MAP4K5: variants seen among roughly 807,000 people sequenced by gnomAD.
The protein encoded by MAP4K5 is mitogen-activated protein kinase kinase kinase kinase 5.
Under a neutral mutation model 135.6 loss-of-function variants are expected in MAP4K5, and 82 were observed. That is an observed-to-expected ratio of 0.60 (90% CI 0.51 to 0.73). The LOEUF is 0.73. Ranked by LOEUF, MAP4K5 falls within the 30% of genes least tolerant of loss-of-function variation. The pLI, the probability that MAP4K5 is intolerant of heterozygous loss-of-function variation, is 0.00. For missense variants in MAP4K5, 907 were observed against 1,010.9 expected, an observed-to-expected ratio of 0.90 and a Z score of 1.39; for synonymous variants, 347 against 335.0, an observed-to-expected ratio of 1.04 and a Z score of -0.39.
At chr14:50,481,144 A>G (rs541821863) in intron 6 of MAP4K5, among the ~76,000 whole-genome samples, 7 of 151,772 alleles carry the variant, frequency 4.6e-5, no homozygotes, top group African/African-American at 1.7e-4. Flanking sequence ...ATTAAAATAC[A>G]AAGAAAATGA....
intron 6 of MAP4K5, among the ~76,000 whole-genome samples, chr14:50,476,866 C>T (rs1269520109): frequency 6.6e-6 from 1 of 152,196 alleles, no homozygotes; most frequent in African/African-American, 2.4e-5. Flanking sequence ...TTATGTGGTG[C>T]TCCTTTATAA....
intron 14 of MAP4K5, chr14:50,456,175 T>C (rs767601363): frequency 5.4e-5 from 16 of 294,984 alleles, no homozygotes; most frequent in Non-Finnish European, 8.9e-5. Flanking sequence ...AATTCAGCCA[T>C]GTAAAAATAC....
intron 32 of MAP4K5, among the ~76,000 whole-genome samples, chr14:50,422,535 C>T (rs986817796): frequency 6.6e-6 from 1 of 150,834 alleles, no homozygotes; most frequent in Non-Finnish European, 1.5e-5. Context: ...ATTTTATTAG[C>T]TATAGAAGTA....
chr14:50,469,713 A>G (rs1354611973), intron 9 of MAP4K5, among the ~76,000 whole-genome samples: 1 of 152,200 alleles, frequency 6.6e-6, no homozygotes, highest in Non-Finnish European at 1.5e-5. Context: ...ACAACTGTTG[A>G]ATATACAAAA....
intron 6 of MAP4K5, among the ~76,000 whole-genome samples, chr14:50,481,783 A>C (rs2037248884): frequency 6.6e-6 from 1 of 152,224 alleles, no homozygotes; most frequent in Admixed American, 6.5e-5. Flanking sequence ...GAAGTAAAGA[A>C]ACCTGTTTAA....
chr14:50,526,406 T>G (rs1437326852), intron 2 of MAP4K5, among the ~76,000 whole-genome samples: 1 of 152,156 alleles, frequency 6.6e-6, no homozygotes, highest in African/African-American at 2.4e-5. Flanking sequence ...TTCAACCAAT[T>G]CTCTTGCCTC....
At chr14:50,449,146 C>T (rs1485952329) in intron 14 of MAP4K5, 1 of 268,958 alleles carries the variant, frequency 3.7e-6, no homozygotes, top group African/African-American at 2.3e-5. Context: ...TAAGAATTTT[C>T]TCTATGCTGT....
chr14:50,542,212 A>G (rs1030174683), intron 2 of MAP4K5, among the ~76,000 whole-genome samples: 1 of 147,570 alleles, frequency 6.8e-6, no homozygotes, highest in African/African-American at 2.5e-5. Context: ...GTTCTCACTC[A>G]TAAGTGAGAG....
At chr14:50,474,109 A>G (rs2037040471) in intron 9 of MAP4K5, among the ~76,000 whole-genome samples, 1 of 152,166 alleles carries the variant, frequency 6.6e-6, no homozygotes, top group East Asian at 1.9e-4. Context: ...TGCACATTAA[A>G]GAATCCAAAT....
intron 13 of MAP4K5, among the ~76,000 whole-genome samples, chr14:50,458,115 C>T (rs1455959226): frequency 6.6e-6 from 1 of 152,154 alleles, no homozygotes; most frequent in Non-Finnish European, 1.5e-5. Flanking sequence ...TATTCTGTAC[C>T]TTCTTCACAT....
Position 50,447,491 on chromosome 14 carries a change from T to C in MAP4K5, c.1075-10A>G, listed in dbSNP as rs1187529459. The C allele has an allele frequency of 1.3e-6, 2 of 1,484,766 alleles. No homozygotes were observed. Among genetic ancestry groups the C allele is most frequent in the Non-Finnish European group, 1.8e-6 (2 of 1,093,034 alleles). 92.0% of individuals were successfully genotyped at this position (1,484,766 alleles called of 1,614,324 possible). The stretch of plus-strand genomic sequence containing the variant: ...GGTCTGATGACAATCCCTGTAAAGA[T>C]AAAAATATAGTTTAAAATGTTACTT... On this transcript the variant is annotated splice_polypyrimidine_tract_variant and intron_variant, in intron 15 of 32. Coordinates refer to ENST00000682126, the MANE Select transcript of MAP4K5 (RefSeq NM_006575.6).
chr14:50,485,088 C>A (rs4901036), intron 5 of MAP4K5, among the ~76,000 whole-genome samples: 151,314 of 152,254 alleles, frequency 0.99, 75,201 homozygotes, highest in Middle Eastern at 1. Flanking sequence ...CAGTATTAGA[C>A]TGTAATGTCA....
intron 2 of MAP4K5, among the ~76,000 whole-genome samples, chr14:50,509,799 T>G (rs11851345): frequency 8.1e-4 from 123 of 152,286 alleles, no homozygotes; most frequent in African/African-American, 2.7e-3. Flanking sequence ...CCTATCCACC[T>G]AAGAGATCAT....
intron 9 of MAP4K5, among the ~76,000 whole-genome samples, chr14:50,470,154 AG>A: frequency 6.6e-6 from 1 of 152,190 alleles, no homozygotes; most frequent in South Asian, 2.1e-4. Flanking sequence ...CACTGGAATC[AG>A]CTAGTGGTGG....
intron 1 of MAP4K5, chr14:50,560,040 C>A: frequency 1.7e-6 from 1 of 596,294 alleles, no homozygotes; most frequent in Admixed American, 2.7e-5. Context: ...GGGTGTGACG[C>A]TGGTATCTGT....
chr14:50,427,009 T>C (rs2035862040), intron 30 of MAP4K5, among the ~76,000 whole-genome samples: 1 of 152,172 alleles, frequency 6.6e-6, no homozygotes, highest in Admixed American at 6.5e-5. Context: ...TATTTGACAA[T>C]GACAAATCAC....
Position 50,419,884 on chromosome 14 carries a change from C to T in MAP4K5, c.*135G>A. 1.5e-6 allele frequency: 1 copy of T among 665,038 alleles called. No individual in the cohort carries two copies. The highest frequency in any genetic ancestry group is 2.7e-6 in the Non-Finnish European group (1 of 372,208). The allele number at this position is 665,038 out of a possible 1,614,324, so 41.2% of individuals were successfully genotyped here. A position where few individuals can be genotyped will look rare whatever the true frequency, so the allele number is the denominator to read the frequency against. ...GCTGCAGAAAATATTGAATTCTACC[C>T]TAAAGTACAGATCATTTGCAATATA... is the stretch of plus-strand genomic sequence containing the variant. On this transcript the variant is annotated 3_prime_UTR_variant, in exon 33 of 33. Transcript: ENST00000682126.
chr14:50,473,790 C>G (rs2037028927), intron 9 of MAP4K5, among the ~76,000 whole-genome samples: 1 of 145,304 alleles, frequency 6.9e-6, no homozygotes, highest in Non-Finnish European at 1.5e-5. Flanking sequence ...GTGGTGCGCA[C>G]TCAGCTCGCT....
At chr14:50,498,780 GT>G (rs551826284) in intron 3 of MAP4K5, among the ~76,000 whole-genome samples, 128 of 152,284 alleles carry the variant, frequency 8.4e-4, no homozygotes, top group African/African-American at 3.0e-3. Context: ...CCAGACATAA[GT>G]TTTTTTCTAA....
Sources: gnomAD v4.1 joint callset for allele counts (sites outside exome capture counted in the v4.1 genomes callset) on GRCh38, gnomAD v4.1.1 for gene constraint, MANE v1.5 for transcripts, NCBI Gene and HGNC (gene_info 2026-07-23, HGNC 2026-07-21) for gene names.